HNRNPC: variants seen among roughly 807,000 people sequenced by gnomAD.
HNRNPC encodes heterogeneous nuclear ribonucleoprotein C.
Under a neutral mutation model 33.2 loss-of-function variants are expected in HNRNPC, and 3 were observed. The ratio of observed to expected loss-of-function variants is 0.09; its 90% CI spans 0.04 to 0.23. HNRNPC has a LOEUF of 0.23. Among genes scored for constraint, HNRNPC ranks in the 10% least tolerant of loss-of-function variants. The pLI, the probability that HNRNPC is intolerant of heterozygous loss-of-function variation, is 1.00. For missense variants in HNRNPC, 143 were observed against 366.7 expected (o/e 0.39, Z 4.98); for synonymous variants, 121 against 126.7 (o/e 0.96, Z 0.30).
At chr14:21,242,104 A>C (rs1029381479) in intron 2 of HNRNPC, among the ~76,000 whole-genome samples, 1 of 152,210 alleles carries the variant, frequency 6.6e-6, no homozygotes, top group Non-Finnish European at 1.5e-5. Flanking sequence ...AATGAAATAA[A>C]ACAACTCTCA....
intron 2 of HNRNPC, among the ~76,000 whole-genome samples, chr14:21,259,697 A>G (rs1877838821): frequency 6.6e-6 from 1 of 152,076 alleles, no homozygotes; most frequent in Non-Finnish European, 1.5e-5. Context: ...TCATAGCATT[A>G]CCTTTGTCCA....
At chr14:21,243,043 T>G (rs899061836) in intron 2 of HNRNPC, among the ~76,000 whole-genome samples, 13 of 152,114 alleles carry the variant, frequency 8.5e-5, no homozygotes, top group African/African-American at 3.1e-4. Flanking sequence ...GAGAATTGCT[T>G]GAACCCTAGA....
chr14:21,243,975 T>C (rs890760784), intron 2 of HNRNPC, among the ~76,000 whole-genome samples: 2 of 151,794 alleles, frequency 1.3e-5, no homozygotes, highest in East Asian at 1.9e-4. Context: ...TACCTCTGAG[T>C]GCTGATGACA....
At chr14:21,264,818 A>C (rs1000346472) in intron 1 of HNRNPC, 3 of 152,138 alleles carry the variant, frequency 2.0e-5, no homozygotes, top group African/African-American at 2.4e-5. Context: ...GCTTGAGCTC[A>C]GTAGTTTGAG....
At chr14:21,241,318 T>A (rs1895318216) in intron 2 of HNRNPC, among the ~76,000 whole-genome samples, 1 of 150,774 alleles carries the variant, frequency 6.6e-6, no homozygotes, top group Non-Finnish European at 1.5e-5. Flanking sequence ...AGCCCCTGCA[T>A]TCAATTCAAA....
chr14:21,249,613 A>G (rs1053711385), intron 2 of HNRNPC, among the ~76,000 whole-genome samples: 4 of 150,824 alleles, frequency 2.7e-5, no homozygotes, highest in East Asian at 1.9e-4. Context: ...AAAAAAAAAA[A>G]AAGAATCAAT....
intron 3 of HNRNPC, among the ~76,000 whole-genome samples, chr14:21,233,083 T>C (rs1026661862): frequency 6.6e-6 from 1 of 151,888 alleles, no homozygotes; most frequent in Non-Finnish European, 1.5e-5. Context: ...CTGAACACCA[T>C]TACATGAATA....
At chr14:21,222,627 T>G (rs1892953395) in intron 5 of HNRNPC, among the ~76,000 whole-genome samples, 5 of 152,030 alleles carry the variant, frequency 3.3e-5, no homozygotes, top group Admixed American at 3.3e-4. Flanking sequence ...GCCTAGTGGC[T>G]CCCGCCTGTA....
chr14:21,232,566 C>T (rs1440966288), intron 3 of HNRNPC, among the ~76,000 whole-genome samples: 3 of 152,132 alleles, frequency 2.0e-5, no homozygotes, highest in Non-Finnish European at 2.9e-5. Context: ...TGGCTTTTCA[C>T]GGTGTTAGCC....
At chr14:21,219,995 T>A (rs1331818391) in intron 5 of HNRNPC, among the ~76,000 whole-genome samples, 1 of 152,144 alleles carries the variant, frequency 6.6e-6, no homozygotes, top group Non-Finnish European at 1.5e-5. Context: ...TCCATCTGCT[T>A]TTCATCACTC....
At chr14:21,229,426 T>C (rs1479165186) in intron 5 of HNRNPC, among the ~76,000 whole-genome samples, 1 of 152,084 alleles carries the variant, frequency 6.6e-6, no homozygotes, top group Non-Finnish European at 1.5e-5. Flanking sequence ...AAAAACATTT[T>C]GATGATGCAT....
chr14:21,225,922 GAT>G (rs760887107), intron 5 of HNRNPC, among the ~76,000 whole-genome samples: 2 of 152,046 alleles, frequency 1.3e-5, no homozygotes, highest in Non-Finnish European at 2.9e-5. Context: ...TTTATATCTA[GAT>G]ATAGTTTTAG....
chr14:21,267,023 G>C (rs1049874327), intron 1 of HNRNPC, among the ~76,000 whole-genome samples: 2 of 150,800 alleles, frequency 1.3e-5, no homozygotes, highest in African/African-American at 4.9e-5. Context: ...CCCGGGAGGC[G>C]GAGGTTGCAG....
Position 21,255,423 on chromosome 14 carries a change from A to G in HNRNPC, c.-37+7888T>C, listed in dbSNP as rs572873643. On this transcript the variant is annotated intron_variant, in intron 2 of 8. Transcript: ENST00000553300. ...GCCATGCTTTCTCAGTAGAGAATAC[A>G]TATTTTTAAAATGGTCAAGCTCTCC... Among the ~76,000 whole-genome samples the G allele has an allele frequency of 1.0e-3, 154 of 152,378 alleles. No homozygotes were observed. In the Middle Eastern group the frequency reaches 0.01, roughly 10 times the overall value.
intron 2 of HNRNPC, among the ~76,000 whole-genome samples, chr14:21,250,849 A>C (rs562866970): frequency 6.6e-6 from 1 of 152,216 alleles, no homozygotes; most frequent in Non-Finnish European, 1.5e-5. Flanking sequence ...TTCAATGTGC[A>C]TATCGGTACC....
intron 3 of HNRNPC, among the ~76,000 whole-genome samples, chr14:21,233,062 T>C (rs529763557): frequency 1.3e-5 from 2 of 152,130 alleles, no homozygotes; most frequent in African/African-American, 4.8e-5. Context: ...ACTGAATATA[T>C]TGTCTATTTG....
At chr14:21,234,297 C>T in intron 2 of HNRNPC, 68 bp from the exon 3 acceptor site, 1 of 1,388,394 alleles carries the variant, frequency 7.2e-7, no homozygotes, top group East Asian at 2.3e-5. Context: ...AAAACATTCT[C>T]CACTCTCACT....
chr14:21,245,084 CAAA>C (rs71112560), intron 2 of HNRNPC, among the ~76,000 whole-genome samples: 2 of 54,604 alleles, frequency 3.7e-5, no homozygotes, highest in Non-Finnish European at 7.7e-5. Context: ...GACTCCATCT[CAAA>C]AAAAAAAAAA....
intron 3 of HNRNPC, 79 bp from the exon 4 acceptor site, chr14:21,231,151 T>G: frequency 7.1e-7 from 1 of 1,417,918 alleles, no homozygotes; most frequent in South Asian, 1.2e-5. Flanking sequence ...TTTTTTATTT[T>G]TGAGACATAG....
Sources: allele counts gnomAD v4.1 joint callset (sites outside exome capture counted in the v4.1 genomes callset), GRCh38; gene constraint gnomAD v4.1.1; transcripts MANE v1.5; gene names NCBI Gene and HGNC (gene_info 2026-07-23, HGNC 2026-07-21).